DCP2: variants seen among roughly 807,000 people sequenced by gnomAD.
The protein encoded by DCP2 is m7GpppN-mRNA hydrolase.
A neutral mutation model predicts 56.1 loss-of-function variants in DCP2; 30 were observed. The ratio of observed to expected loss-of-function variants is 0.53; its 90% CI spans 0.40 to 0.73. The LOEUF is 0.73. Ranked by LOEUF, DCP2 falls within the 30% of genes least tolerant of loss-of-function variation. The probability of loss-of-function intolerance (pLI) is 0.00; values close to 1 mark genes in which losing one functional copy is unlikely to be tolerated. For missense variants in DCP2, 533 were observed against 502.7 expected (o/e 1.06, Z -0.58); for synonymous variants, 197 against 163.3 (o/e 1.21, Z -1.57).
chr5:112,980,436 A>G (rs1318861029), intron 1 of DCP2, among the ~76,000 whole-genome samples: 3 of 152,206 alleles, frequency 2.0e-5, no homozygotes, highest in East Asian at 3.8e-4. Context: ...ACTAATTGCA[A>G]TCCTTGTGCT....
At chr5:112,984,677 TTTC>T (rs1450906076) in intron 1 of DCP2, 13 of 104,192 alleles carry the variant, frequency 1.2e-4, no homozygotes, top group Non-Finnish European at 2.4e-4. Context: ...GTTGTTTTTA[TTTC>T]TTAATTAAAA....
chr5:113,016,551 C>G lies in DCP2; in HGVS notation c.*3067C>G, dbSNP rs897089908. The G allele has an allele frequency of 1.3e-5, 2 of 152,106 alleles. No homozygotes were observed. Among genetic ancestry groups the G allele is most frequent in the Non-Finnish European group, 2.9e-5 (2 of 68,012 alleles). 9.4% of individuals were successfully genotyped at this position (152,106 alleles called of 1,614,324 possible). On this transcript the variant is annotated 3_prime_UTR_variant, in exon 11 of 11. Coordinates refer to ENST00000389063, the MANE Select transcript of DCP2 (RefSeq NM_152624.6). ...GAATTGGTACTTTTCCTTATTAAGG[C>G]TTTAGTAATTTGTATGTAATGTCAA... is the stretch of plus-strand genomic sequence containing the variant.
In DCP2 at chr5:113,021,120, C is replaced by CT. The variant is rs1750103331; in HGVS notation, c.*7637dup. The stretch of plus-strand genomic sequence containing the variant: ...AAGAAGCTGGGCGCGGTGCTCATAC[C>CT]TGTAATCCCAGCACTTTGGGAGGCT... On this transcript the variant is annotated 3_prime_UTR_variant, in exon 11 of 11. Transcript: ENST00000389063. 6.6e-6 allele frequency: 1 copy of CT among 152,272 alleles called. No individual in the cohort carries two copies. The highest frequency in any genetic ancestry group is 2.1e-4 in the South Asian group (1 of 4,826). 9.4% of individuals were successfully genotyped at this position (152,272 alleles called of 1,614,324 possible).
At chr5:112,982,010 C>A (rs142858502) in intron 1 of DCP2, among the ~76,000 whole-genome samples, 5 of 152,156 alleles carry the variant, frequency 3.3e-5, no homozygotes, top group African/African-American at 1.2e-4. Flanking sequence ...TCAGGTGATC[C>A]GCCTGCCATG....
At chr5:112,982,670 G>C (rs1278103743) in intron 1 of DCP2, among the ~76,000 whole-genome samples, 1 of 151,750 alleles carries the variant, frequency 6.6e-6, no homozygotes, top group Non-Finnish European at 1.5e-5. Context: ...CCCCCCGAGG[G>C]CTCTTACTTA....
Position 113,010,793 on chromosome 5 carries a change from A to C in DCP2, c.1085A>C (p.Asp362Ala). ...AAACTTCATCCACGGAAACTTCAGG[A>C]TAATTTTGAAACAGGCAAGTCATTT... ...EKKLHPRKLQ[D>A]NFETDAVYDL... Residue 362 changes from aspartate to alanine, a missense_variant, in exon 10 of 11, where the codon GAT becomes GCT. Around this residue, in one of 3 missense-constraint regions of DCP2, gnomAD observed 392 missense variants for 346.6 expected, o/e 1.13. Transcript: ENST00000389063. 1 of 1,597,532 alleles carries C rather than the reference A, an allele frequency of 6.3e-7. No individual in the cohort carries two copies. Among genetic ancestry groups the C allele is most frequent in the Non-Finnish European group, 8.5e-7 (1 of 1,175,540 alleles).
At chr5:112,991,181 G>T (rs1002286240) in intron 2 of DCP2, among the ~76,000 whole-genome samples, 9 of 152,096 alleles carry the variant, frequency 5.9e-5, no homozygotes, top group Admixed American at 1.3e-4. Context: ...TTGAATATAT[G>T]CTCAGATTGC....
intron 7 of DCP2, among the ~76,000 whole-genome samples, chr5:113,003,105 C>G (rs969830913): frequency 6.6e-6 from 1 of 152,078 alleles, no homozygotes; most frequent in Non-Finnish European, 1.5e-5. Flanking sequence ...AGGACAGGAG[C>G]TTGGACTAAA....
rs1007583659 is a variant in DCP2 at position 113,017,085 on chromosome 5, G to T, written c.*3601G>T. The stretch of plus-strand genomic sequence containing the variant: ...CTCTTGGCTTTTTATCTTTATTTTT[G>T]TACCAGTGGACCTTCCTGCTCCCTG... On this transcript the variant is annotated 3_prime_UTR_variant, in exon 11 of 11. Coordinates refer to ENST00000389063, the MANE Select transcript of DCP2 (RefSeq NM_152624.6). The T allele has an allele frequency of 6.6e-6, 1 of 151,912 alleles. No homozygotes were observed. The highest frequency in any genetic ancestry group is 1.5e-5 in the Non-Finnish European group (1 of 67,970). 9.4% of individuals were successfully genotyped at this position (151,912 alleles called of 1,614,324 possible).
chr5:112,991,797 G>A (rs1267544511), intron 2 of DCP2, among the ~76,000 whole-genome samples: 1 of 152,156 alleles, frequency 6.6e-6, no homozygotes, highest in Non-Finnish European at 1.5e-5. Context: ...TGTTTACATG[G>A]TCCAGAATTA....
intron 10 of DCP2, 114 bp downstream of exon 10, chr5:113,010,921 C>T: frequency 1.8e-6 from 2 of 1,107,058 alleles, no homozygotes; most frequent in Non-Finnish European, 2.6e-6. Context: ...GGAAGAGTTG[C>T]ATATGTTCTG....
chr5:113,000,048 C>T (rs1168098044), intron 4 of DCP2, among the ~76,000 whole-genome samples: 11 of 115,150 alleles, frequency 9.6e-5, no homozygotes, highest in South Asian at 2.8e-4. Context: ...GCAACAAGAG[C>T]GAAACTCCAT....
intron 1 of DCP2, 128 bp from the exon 2 acceptor site, chr5:112,985,707 T>A: frequency 1.0e-6 from 1 of 973,058 alleles, no homozygotes. Context: ...TATTAATTGC[T>A]TCCTTGAACA....
chr5:113,004,103 T>C (rs745478202), intron 8 of DCP2, 26 bp downstream of exon 8: 8 of 1,596,730 alleles, frequency 5.0e-6, no homozygotes, highest in Admixed American at 1.8e-5. Flanking sequence ...TTACAGTCTT[T>C]TCAGAAATTT....
rs1054884937 is a variant in DCP2, at chr5:113,018,159, C to A, written c.*4675C>A. 1 of 152,128 alleles carries A rather than the reference C, an allele frequency of 6.6e-6. No homozygotes were observed. The highest frequency in any genetic ancestry group is 1.5e-5 in the Non-Finnish European group (1 of 68,018). The allele number at this position is 152,128 out of a possible 1,614,324, so 9.4% of individuals were successfully genotyped here. ...CATCTAACTTCCTTGTGACAAATAG[C>A]ATTTACTATTGAAATAGTCTTAAAA... On this transcript the variant is annotated 3_prime_UTR_variant, in exon 11 of 11. Coordinates refer to ENST00000389063, the MANE Select transcript of DCP2 (RefSeq NM_152624.6).
chr5:112,981,353 C>T (rs1212964253), intron 1 of DCP2, among the ~76,000 whole-genome samples: 1 of 152,036 alleles, frequency 6.6e-6, no homozygotes, highest in Non-Finnish European at 1.5e-5. Context: ...GTTTTACGAA[C>T]TTACAGTATT....
chr5:112,989,457 T>C (rs541543745), intron 2 of DCP2, among the ~76,000 whole-genome samples: 1 of 151,012 alleles, frequency 6.6e-6, no homozygotes, highest in Non-Finnish European at 1.5e-5. Context: ...GGGAGCTAAA[T>C]AGAAGCCTTC....
chr5:113,004,665 C>T (rs2150186489), intron 8 of DCP2, among the ~76,000 whole-genome samples: 1 of 152,286 alleles, frequency 6.6e-6, no homozygotes, highest in African/African-American at 2.4e-5. Flanking sequence ...TATTGGATCA[C>T]TGGATATGCC....
chr5:113,012,767 C>T (rs1477325476), intron 10 of DCP2, among the ~76,000 whole-genome samples: 2 of 152,188 alleles, frequency 1.3e-5, no homozygotes, highest in Non-Finnish European at 2.9e-5. Flanking sequence ...CCTCAGCCTT[C>T]TGAGTAGCTG....
Sources: allele counts gnomAD v4.1 joint callset (sites outside exome capture counted in the v4.1 genomes callset), GRCh38; gene constraint gnomAD v4.1.1; regional missense constraint gnomAD v4.1.1; transcripts MANE v1.5; gene names NCBI Gene and HGNC (gene_info 2026-07-23, HGNC 2026-07-21).